AKAP19: variants seen among roughly 807,000 people sequenced by gnomAD.
AKAP19 encodes A-kinase anchoring protein 19, also known as small A-kinase anchoring protein.
chr2:190,170,111 A>G, the AKAP19 span, among the ~76,000 whole-genome samples: 1 of 152,228 alleles, frequency 6.6e-6, no homozygotes. Flanking sequence ...GGGCGACAGC[A>G]CAATTGGGTT....
At chr2:190,111,455 A>G in the AKAP19 span, among the ~76,000 whole-genome samples, 7 of 152,050 alleles carry the variant, frequency 4.6e-5, no homozygotes, top group African/African-American at 1.7e-4. Flanking sequence ...ACCTAAATAG[A>G]GGTATGATAT....
the AKAP19 span, among the ~76,000 whole-genome samples, chr2:189,914,626 T>C: frequency 6.6e-6 from 1 of 152,236 alleles, no homozygotes; most frequent in South Asian, 2.1e-4. Context: ...ATGTTTTAAT[T>C]CTTATATTTA....
At chr2:190,143,282 A>G in the AKAP19 span, among the ~76,000 whole-genome samples, 2 of 23,860 alleles carry the variant, frequency 8.4e-5, no homozygotes, top group South Asian at 3.6e-3. Flanking sequence ...TTTATCCTGT[A>G]GGAAAAAAAA....
chr2:190,100,688 AT>A, the AKAP19 span, among the ~76,000 whole-genome samples: 3 of 151,916 alleles, frequency 2.0e-5, no homozygotes, highest in Non-Finnish European at 2.9e-5. Flanking sequence ...ACAATTAGAA[AT>A]TTTTTTTTCC....
the AKAP19 span, among the ~76,000 whole-genome samples, chr2:189,998,771 C>CTTTCTTTTTTTTTTTTTT: frequency 1.0e-5 from 1 of 97,546 alleles, no homozygotes; most frequent in African/African-American, 4.3e-5. Flanking sequence ...TTCTTTCTTT[C>CTTTCTTTTTTTTTTTTTT]TTTTTTTTTT....
chr2:190,041,338 G>A, the AKAP19 span, among the ~76,000 whole-genome samples: 1 of 152,122 alleles, frequency 6.6e-6, no homozygotes, highest in African/African-American at 2.4e-5. Flanking sequence ...TGGTGTATAG[G>A]AATGCTAGTG....
At chr2:190,168,465 T>C in the AKAP19 span, among the ~76,000 whole-genome samples, 16 of 144,258 alleles carry the variant, frequency 1.1e-4, no homozygotes, top group Non-Finnish European at 2.1e-4. Context: ...ATTTGGCTCC[T>C]CATTACTTAT....
the AKAP19 span, chr2:189,930,940 G>A: frequency 1.4e-6 from 1 of 732,044 alleles, no homozygotes. Context: ...GCTAAAGCTA[G>A]CCCAGTCGGA....
chr2:190,194,385 A>AT, the AKAP19 span, among the ~76,000 whole-genome samples: 1 of 151,578 alleles, frequency 6.6e-6, no homozygotes, highest in African/African-American at 2.4e-5. Flanking sequence ...TAGTGGGTGT[A>AT]TTTTTTAAAA....
the AKAP19 span, among the ~76,000 whole-genome samples, chr2:190,108,783 GT>G: frequency 0.1 from 14,165 of 135,632 alleles, 1,318 homozygotes; most frequent in African/African-American, 0.26. Flanking sequence ...CCTGTTTGCG[GT>G]TTTTTTTTTT....
At chr2:189,923,433 T>G in the AKAP19 span, 1 of 1,613,900 alleles carries the variant, frequency 6.2e-7, no homozygotes. Flanking sequence ...AAATCTGATG[T>G]GGAGGCAATC....
the AKAP19 span, among the ~76,000 whole-genome samples, chr2:189,974,173 T>C: frequency 6.6e-6 from 1 of 152,210 alleles, no homozygotes; most frequent in Non-Finnish European, 1.5e-5. Flanking sequence ...GATTCTGGTA[T>C]GTTGTGTCTT....
chr2:190,169,003 C>T, the AKAP19 span, among the ~76,000 whole-genome samples: 2 of 152,168 alleles, frequency 1.3e-5, no homozygotes, highest in African/African-American at 2.4e-5. Context: ...TCTACTGGTA[C>T]CAGTTTACTG....
At chr2:190,146,987 A>G in the AKAP19 span, among the ~76,000 whole-genome samples, 2 of 152,330 alleles carry the variant, frequency 1.3e-5, no homozygotes, top group Admixed American at 1.3e-4. Context: ...TTTGGCGTGC[A>G]AAAGCTCTTT....
the AKAP19 span, among the ~76,000 whole-genome samples, chr2:189,992,830 T>G: frequency 6.6e-6 from 1 of 152,336 alleles, no homozygotes; most frequent in African/African-American, 2.4e-5. Flanking sequence ...TTGTTGGTGG[T>G]GTATACCAGT....
At chr2:190,007,769 G>A in the AKAP19 span, among the ~76,000 whole-genome samples, 6 of 152,052 alleles carry the variant, frequency 3.9e-5, no homozygotes, top group East Asian at 1.9e-4. Context: ...GAGACCAGCC[G>A]GGGCAACATG....
the AKAP19 span, among the ~76,000 whole-genome samples, chr2:190,027,333 G>A: frequency 1.3e-5 from 2 of 152,118 alleles, no homozygotes; most frequent in South Asian, 2.1e-4. Flanking sequence ...GTCTCAACTA[G>A]CTAATTTCTC....
chr2:189,912,510 C>T, the AKAP19 span, among the ~76,000 whole-genome samples: 1 of 152,148 alleles, frequency 6.6e-6, no homozygotes, highest in South Asian at 2.1e-4. Flanking sequence ...CACTGCACTC[C>T]AGCCCGGGCA....
chr2:189,942,134 A>G, the AKAP19 span, among the ~76,000 whole-genome samples: 1 of 152,208 alleles, frequency 6.6e-6, no homozygotes, highest in Non-Finnish European at 1.5e-5. Context: ...GTTGAATTAT[A>G]ATCTCCCATG....
Sources: gnomAD v4.1 joint callset for allele counts (sites outside exome capture counted in the v4.1 genomes callset) on GRCh38, gnomAD v4.1.1 for gene constraint, MANE v1.5 for transcripts, NCBI Gene and HGNC (gene_info 2026-07-23, HGNC 2026-07-21) for gene names.